Variants in CHD1L observed in about 807,000 individuals in gnomAD.
CHD1L encodes the protein chromodomain helicase DNA binding protein 1 like.
Under a neutral mutation model 115.9 loss-of-function variants are expected in CHD1L, and 118 were observed. That is an observed-to-expected ratio of 1.02 (90% CI 0.88 to 1.19). The LOEUF (loss-of-function observed/expected upper bound fraction) is 1.19, where lower values mean the gene tolerates loss of function less well. CHD1L is among the 50% of genes most tolerant of loss of function. The pLI, the probability that CHD1L is intolerant of heterozygous loss-of-function variation, is 0.00. For missense variants in CHD1L, 1,179 were observed against 1,065.3 expected (o/e 1.11, Z -1.49); for synonymous variants, 411 against 387.1 (o/e 1.06, Z -0.72).
In CHD1L at chr1:147,291,547, G is replaced by A; in HGVS notation, c.2386G>A (p.Asp796Asn). 1 of 1,613,376 alleles carries A rather than the reference G, an allele frequency of 6.2e-7. No homozygotes were observed. The highest frequency in any genetic ancestry group is 2.2e-5 in the East Asian group (1 of 44,876). The change falls in exon 20 of 23, where the codon GAT becomes AAT. Residue 796 changes from aspartate (D) to asparagine (N), a missense_variant. Asp to Asn is a conservative substitution (Grantham distance 23). Transcript: ENST00000369258. Reference sequence around the variant, plus strand: ...TAAAGAATCAAGAAACAAAGGGCAAGATTTGGTAAGTAAAACCCATCTCTT... The same window carrying A: ...TAAAGAATCAAGAAACAAAGGGCAAAATTTGGTAAGTAAAACCCATCTCTT... ...DDKESRNKGQ[D>N]LLALIVAQHR... is the part of the protein sequence containing the mutation.
chr1:147,194,648 G>T, the CHD1L span, among the ~76,000 whole-genome samples: 2 of 152,228 alleles, frequency 1.3e-5, no homozygotes, highest in South Asian at 4.1e-4. Flanking sequence ...GCTGGTACCG[G>T]TTGTTCCTTT....
At chr1:147,254,747 A>G (rs1452749799) in intron 2 of CHD1L, 123 bp from the exon 3 acceptor site, 5 of 588,848 alleles carry the variant, frequency 8.5e-6, no homozygotes, top group African/African-American at 7.5e-5. Context: ...AAGTTCGTAC[A>G]ATATTTCTTT....
the CHD1L span, among the ~76,000 whole-genome samples, chr1:147,192,756 T>C: frequency 1.3e-5 from 2 of 152,190 alleles, no homozygotes; most frequent in Non-Finnish European, 2.9e-5. Flanking sequence ...CTTTTCTGCA[T>C]CTATTGAGAT....
At chr1:147,187,061 AC>A in the CHD1L span, 20 of 1,613,984 alleles carry the variant, frequency 1.2e-5, no homozygotes, top group Non-Finnish European at 1.7e-5. Context: ...GCCCCATCCC[AC>A]TTTCCAGGGC....
At chr1:147,282,331 AGGC>A (rs1681220024) in intron 15 of CHD1L, among the ~76,000 whole-genome samples, 1 of 152,166 alleles carries the variant, frequency 6.6e-6, no homozygotes, top group African/African-American at 2.4e-5. Context: ...GAAACTGAAA[AGGC>A]GGGGTGAGTC....
At chr1:147,243,764 A>T (rs929890261) in intron 1 of CHD1L, among the ~76,000 whole-genome samples, 7 of 152,224 alleles carry the variant, frequency 4.6e-5, no homozygotes, top group African/African-American at 1.7e-4. Flanking sequence ...ATTGGCTACA[A>T]AGATGAGCAA....
chr1:147,184,378 A>T, the CHD1L span: 2 of 1,137,150 alleles, frequency 1.8e-6, no homozygotes, highest in Non-Finnish European at 2.3e-6. The surrounding 1 kb of genome is among the most constrained non-coding windows in gnomAD (Gnocchi z 4.4). Flanking sequence ...TAATAAACCA[A>T]TATTGATACA....
the CHD1L span, among the ~76,000 whole-genome samples, chr1:147,199,926 CTAGTAACAA>C: frequency 1.3e-5 from 2 of 152,108 alleles, no homozygotes; most frequent in African/African-American, 4.8e-5. Flanking sequence ...TAATTAAATG[CTAGTAACAA>C]TAGCAAATTT....
intron 20 of CHD1L, among the ~76,000 whole-genome samples, chr1:147,292,123 G>A (rs1685768109): frequency 6.6e-6 from 1 of 152,100 alleles, no homozygotes; most frequent in African/African-American, 2.4e-5. Flanking sequence ...TTAAGTACGA[G>A]GATTTCTATT....
chr1:147,189,237 T>G, the CHD1L span, among the ~76,000 whole-genome samples: 151,784 of 151,784 alleles, frequency 1, 75,892 homozygotes, highest in Non-Finnish European at 1. Context: ...TCGTGCCACT[T>G]ACTCCAGCCT....
At chr1:147,268,961 C>A in intron 10 of CHD1L, 83 bp downstream of exon 10, 2 of 997,732 alleles carry the variant, frequency 2.0e-6, no homozygotes, top group Non-Finnish European at 2.8e-6. Context: ...GTTGTTCAGG[C>A]CAATTCCAGT....
At chr1:147,238,755 C>T (rs1664669385), upstream of CHD1L, among the ~76,000 whole-genome samples, 1 of 152,154 alleles carries the variant, frequency 6.6e-6, no homozygotes, top group South Asian at 2.1e-4. Context: ...CCACAGGCAC[C>T]TCATTCAAAC....
chr1:147,174,432 T>A, the CHD1L span: 5 of 152,218 alleles, frequency 3.3e-5, no homozygotes, highest in Admixed American at 3.3e-4. Context: ...AGTAGTCAAA[T>A]CAGCCTAGCA....
the CHD1L span, among the ~76,000 whole-genome samples, chr1:147,234,779 G>GA: frequency 6.6e-6 from 1 of 152,150 alleles, no homozygotes; most frequent in African/African-American, 2.4e-5. Context: ...ATACTGACAT[G>GA]AAAAAATTAT....
intron 1 of CHD1L, 40 bp downstream of exon 1, chr1:147,242,870 C>G: frequency 8.0e-7 from 1 of 1,257,480 alleles, no homozygotes; most frequent in Non-Finnish European, 1.0e-6. Flanking sequence ...GGCGGGCCAA[C>G]CTATTGGGAC....
chr1:147,267,963 T>G (rs1433996221), intron 9 of CHD1L, among the ~76,000 whole-genome samples: 1 of 152,206 alleles, frequency 6.6e-6, no homozygotes, highest in African/African-American at 2.4e-5. Flanking sequence ...TCACCGCTAC[T>G]CCAGGTTCAC....
At chr1:147,213,256 G>T in the CHD1L span, 2 of 1,436,536 alleles carry the variant, frequency 1.4e-6, no homozygotes, top group Non-Finnish European at 1.9e-6. Flanking sequence ...ATTCCTCAGG[G>T]GTCAGGTCAC....
chr1:147,282,573 C>T (rs892953177), intron 15 of CHD1L, among the ~76,000 whole-genome samples: 3 of 152,168 alleles, frequency 2.0e-5, no homozygotes, highest in African/African-American at 4.8e-5. Context: ...CTTTTTCATC[C>T]ACCATTGCCT....
At chr1:147,234,218 C>G in the CHD1L span, among the ~76,000 whole-genome samples, 3 of 152,234 alleles carry the variant, frequency 2.0e-5, no homozygotes, top group Admixed American at 1.3e-4. Context: ...GCTCCCAGAG[C>G]TCGGAGCCTT....
Sources: gnomAD v4.1 joint callset for allele counts (sites outside exome capture counted in the v4.1 genomes callset) on GRCh38, gnomAD v4.1.1 for gene constraint, Gnocchi (gnomAD v3.1) non-coding constraint, MANE v1.5 for transcripts, NCBI Gene and HGNC (gene_info 2026-07-23, HGNC 2026-07-21) for gene names.